The following CNTN6 variants were observed in gnomAD, a reference collection of about 807,000 sequenced individuals.
CNTN6 encodes the protein contactin 6.
In CNTN6, 137 loss-of-function variants were observed where a neutral mutation model predicts 122.8. That is an observed-to-expected ratio of 1.12 (90% CI 0.97 to 1.29). CNTN6 has a LOEUF of 1.29. Ranked by LOEUF, CNTN6 falls within the 50% of genes most tolerant of loss-of-function variation. CNTN6 has a pLI of 0.00. For missense variants in CNTN6, 1,634 were observed against 1,223.4 expected, an observed-to-expected ratio of 1.34 and a Z score of -5.01; for synonymous variants, 570 against 426.0, an observed-to-expected ratio of 1.34 and a Z score of -4.16.
At chr3:1,145,599 A>G (rs962737867) in intron 1 of CNTN6, among the ~76,000 whole-genome samples, 2 of 152,196 alleles carry the variant, frequency 1.3e-5, no homozygotes, top group African/African-American at 2.4e-5. Context: ...TGCCATGACA[A>G]TTGGATACAT....
In CNTN6 at chr3:1,326,909, A is replaced by C. The variant is rs567468444; in HGVS notation, c.1084-548A>C. Among the ~76,000 whole-genome samples the C allele has an allele frequency of 5.3e-5, 8 of 152,010 alleles. No homozygotes were observed. The South Asian group carries it at 1.7e-3, about 31-fold the overall frequency. ...ATTAATTATGTCACTATGTGCACTC[A>C]AAATTGTATTTCTATACCCCACATG... On this transcript the variant is annotated intron_variant, in intron 9 of 22. Coordinates refer to ENST00000446702, the MANE Select transcript of CNTN6 (RefSeq NM_001289080.2).
chr3:1,158,240 T>G (rs1243740435), intron 2 of CNTN6, among the ~76,000 whole-genome samples: 1 of 152,260 alleles, frequency 6.6e-6, no homozygotes, highest in African/African-American at 2.4e-5. Context: ...TGGGGTGACA[T>G]GATATCTCAT....
chr3:1,379,631 C>A (rs751668245), intron 17 of CNTN6, among the ~76,000 whole-genome samples: 36 of 151,970 alleles, frequency 2.4e-4, no homozygotes, highest in Admixed American at 5.2e-4. Flanking sequence ...AGCATACTAA[C>A]CCCTATTTTT....
chr3:1,148,003 G>C lies in CNTN6; in HGVS notation c.-6G>C. 1.2e-6 allele frequency: 2 copies of C among 1,604,938 alleles called. No homozygotes were observed. The highest frequency in any genetic ancestry group is 2.2e-5 in the East Asian group (1 of 44,700). On this transcript the variant is annotated 5_prime_UTR_variant, in exon 2 of 23. Transcript: ENST00000446702. ...TGGGAGAAATTTTTGACCTTAGAAAGTGGAAATGAGGTTGCTATGGAAACT... is the reference window on the plus strand; with the variant it reads ...TGGGAGAAATTTTTGACCTTAGAAACTGGAAATGAGGTTGCTATGGAAACT...
intron 7 of CNTN6, among the ~76,000 whole-genome samples, chr3:1,310,102 A>AT (rs397977865): frequency 0.31 from 46,323 of 151,158 alleles, 11,710 homozygotes; most frequent in African/African-American, 0.7. Context: ...ATCTATATAC[A>AT]TTTTTTTTGC....
intron 3 of CNTN6, among the ~76,000 whole-genome samples, chr3:1,222,773 G>T (rs963307329): frequency 6.6e-6 from 1 of 151,796 alleles, no homozygotes; most frequent in African/African-American, 2.4e-5. Flanking sequence ...TGTGACATGG[G>T]GGTTTGTTGT....
At chr3:1,253,938 A>T (rs1448169690) in intron 4 of CNTN6, among the ~76,000 whole-genome samples, 1 of 152,194 alleles carries the variant, frequency 6.6e-6, no homozygotes. Flanking sequence ...TAATGTATGT[A>T]TGTATACATT....
intron 20 of CNTN6, among the ~76,000 whole-genome samples, chr3:1,389,579 G>A (rs1292632890): frequency 6.6e-6 from 1 of 152,126 alleles, no homozygotes; most frequent in Non-Finnish European, 1.5e-5. Flanking sequence ...AACTTTAAAT[G>A]TAAATGGACT....
intron 1 of CNTN6, among the ~76,000 whole-genome samples, chr3:1,097,045 G>A (rs1313211222): frequency 6.6e-6 from 1 of 152,132 alleles, no homozygotes; most frequent in Non-Finnish European, 1.5e-5. Context: ...TTAGAATGTT[G>A]TTATTCTCAG....
chr3:1,325,276 G>A (rs1416880497), intron 8 of CNTN6, among the ~76,000 whole-genome samples: 2 of 151,728 alleles, frequency 1.3e-5, no homozygotes, highest in Admixed American at 1.3e-4. Flanking sequence ...ACCATTCCTT[G>A]TCAAGAATTT....
Position 1,403,406 on chromosome 3 carries a change from G to A in CNTN6, c.3075G>A (p.Gln1025=). ...TGATTTTTCACTGTTTTGCTATTCA[G>A]CCACTTATCTGATGAATAAAACCAT... is the stretch of plus-strand genomic sequence containing the variant. ...VIVIFHCFAI[Q]PLI The change falls in exon 23 of 23, where the codon CAG becomes CAA. Residue 1025 remains glutamine, a synonymous_variant. Transcript: ENST00000446702. The A allele has an allele frequency of 6.3e-7, 1 of 1,599,218 alleles. No individual in the cohort carries two copies. The highest frequency in any genetic ancestry group is 8.6e-7 in the Non-Finnish European group (1 of 1,167,936).
chr3:1,240,727 AAG>A (rs2094472002), intron 4 of CNTN6, among the ~76,000 whole-genome samples: 1 of 152,094 alleles, frequency 6.6e-6, no homozygotes, highest in African/African-American at 2.4e-5. Context: ...AAAGAAAAAA[AAG>A]AAAAAAATTT....
At chr3:1,146,366 T>G (rs1348539324) in intron 1 of CNTN6, among the ~76,000 whole-genome samples, 1 of 152,098 alleles carries the variant, frequency 6.6e-6, no homozygotes, top group Non-Finnish European at 1.5e-5. Context: ...CTGAGCCCAC[T>G]GTCTCTCTTT....
intron 4 of CNTN6, among the ~76,000 whole-genome samples, chr3:1,248,813 T>C (rs1258152809): frequency 2.0e-5 from 3 of 151,316 alleles, no homozygotes; most frequent in South Asian, 4.2e-4. Flanking sequence ...TGAGTGAAAC[T>C]CCATTGCACT....
intron 4 of CNTN6, among the ~76,000 whole-genome samples, chr3:1,240,240 C>T (rs975614807): frequency 7.2e-5 from 11 of 152,278 alleles, no homozygotes; most frequent in African/African-American, 2.6e-4. Flanking sequence ...AGACAACCCA[C>T]AGAGTGGGAA....
At chr3:1,379,873 C>G (rs902078017) in intron 17 of CNTN6, among the ~76,000 whole-genome samples, 1 of 152,136 alleles carries the variant, frequency 6.6e-6, no homozygotes, top group African/African-American at 2.4e-5. Context: ...AAGATTCATA[C>G]ATTAGGATGA....
At chr3:1,158,742 TTA>T (rs145295154) in intron 2 of CNTN6, among the ~76,000 whole-genome samples, 1 of 138,896 alleles carries the variant, frequency 7.2e-6, no homozygotes, top group African/African-American at 2.8e-5. Flanking sequence ...CTGGCTAATT[TTA>T]TATATATATA....
chr3:1,218,302 G>A (rs1183155504), intron 2 of CNTN6, among the ~76,000 whole-genome samples: 3 of 152,116 alleles, frequency 2.0e-5, no homozygotes, highest in African/African-American at 7.2e-5. Flanking sequence ...AGGAGAAGGA[G>A]GGTGGTTTCT....
At chr3:1,276,114 T>A (rs1294407470) in intron 4 of CNTN6, among the ~76,000 whole-genome samples, 1 of 152,192 alleles carries the variant, frequency 6.6e-6, no homozygotes, top group African/African-American at 2.4e-5. Context: ...CTTTAAAAGA[T>A]AAAGACAGAT....
Sources: gnomAD v4.1 joint callset for allele counts (sites outside exome capture counted in the v4.1 genomes callset) on GRCh38, gnomAD v4.1.1 for gene constraint, MANE v1.5 for transcripts, NCBI Gene and HGNC (gene_info 2026-07-23, HGNC 2026-07-21) for gene names.